SIN3A: variants seen among roughly 807,000 people sequenced by gnomAD.
SIN3A encodes paired amphipathic helix protein Sin3a.
Under a neutral mutation model 146.1 loss-of-function variants are expected in SIN3A, and 14 were observed. The observed-to-expected ratio is 0.10, with a 90% CI of 0.06 to 0.15. The LOEUF (loss-of-function observed/expected upper bound fraction) is 0.15. Among genes scored for constraint, SIN3A ranks in the 10% least tolerant of loss-of-function variants. SIN3A has a pLI of 1.00. For synonymous variants in SIN3A, 572 were observed against 572.0 expected (o/e 1.00, Z 0.00); for missense variants, 1,028 against 1,576.0 (o/e 0.65, Z 5.89).
At chr15:75,391,106 C>T (rs1460657728) in intron 15 of SIN3A, among the ~76,000 whole-genome samples, 1 of 152,182 alleles carries the variant, frequency 6.6e-6, no homozygotes, top group Non-Finnish European at 1.5e-5. Flanking sequence ...TCATCACAGA[C>T]TATCACATTC....
rs535751439 is a variant in SIN3A, at chr15:75,435,153, G to C, written c.-33-4745C>G. Among the ~76,000 whole-genome samples, 6 of 151,894 alleles carry C rather than the reference G, an allele frequency of 4.0e-5. No homozygotes were observed. The South Asian group carries it at 1.2e-3, about 32-fold the overall frequency. ...AAAACTATGTAAGAATCAGATCAAA[G>C]TTTATCCACGAGTATAAGAAATGAA... On this transcript the variant is annotated intron_variant, in intron 1 of 20. Transcript: ENST00000394947.
At position 75,409,872 on chromosome 15, in the gene SIN3A, G is replaced by C; in HGVS notation, c.1281C>G (p.Ile427Met). 6.2e-7 allele frequency: 1 copy of C among 1,613,342 alleles called. No homozygotes were observed. Among genetic ancestry groups the C allele is most frequent in the Non-Finnish European group, 8.5e-7 (1 of 1,180,006 alleles). Residue 427 changes from isoleucine (I) to methionine (M), a missense_variant, in exon 8 of 21, where the codon ATC (isoleucine) becomes ATG (methionine). Ile to Met is a conservative substitution (Grantham distance 10, BLOSUM62 1). Coordinates refer to ENST00000394947, the MANE Select transcript of SIN3A (RefSeq NM_001145358.2). The stretch of plus-strand genomic sequence containing the variant: ...GGGTGGTTCCTGTAGGATGTCTGCG[G>C]ATCTGGCAGCCATTCTGGCTGGGCC... ...PQRPSQNGCQ[I>M]RRHPTGTTPP...
At chr15:75,452,211 G>A (rs933979015), upstream of SIN3A, among the ~76,000 whole-genome samples, 3 of 152,256 alleles carry the variant, frequency 2.0e-5, no homozygotes, top group Admixed American at 1.3e-4. Flanking sequence ...GGATATCTTG[G>A]CGCTGGTAGG....
intron 16 of SIN3A, among the ~76,000 whole-genome samples, chr15:75,384,771 A>C (rs527541363): frequency 9.3e-4 from 141 of 152,304 alleles, no homozygotes; most frequent in African/African-American, 3.1e-3. Context: ...TCTTTATTGC[A>C]TTTTAAAATC....
chr15:75,428,835 C>A (rs756993962), intron 2 of SIN3A, among the ~76,000 whole-genome samples: 2 of 152,154 alleles, frequency 1.3e-5, no homozygotes, highest in Non-Finnish European at 2.9e-5. Context: ...TTTCTCCCAC[C>A]TCTGCCAACC....
At chr15:75,410,430 C>A in intron 6 of SIN3A, 144 bp from the exon 7 acceptor site, 1 of 701,988 alleles carries the variant, frequency 1.4e-6, no homozygotes, top group Non-Finnish European at 2.2e-6. Context: ...TGACCACAGA[C>A]TTTCAAGTTG....
intron 2 of SIN3A, among the ~76,000 whole-genome samples, chr15:75,425,199 C>A (rs115690331): frequency 6.6e-6 from 1 of 152,300 alleles, no homozygotes; most frequent in African/African-American, 2.4e-5. Flanking sequence ...TTGAAACACT[C>A]TCGCTCTATC....
At chr15:75,413,566 C>CA (rs1314694069) in intron 4 of SIN3A, among the ~76,000 whole-genome samples, 1 of 147,136 alleles carries the variant, frequency 6.8e-6, no homozygotes, top group Non-Finnish European at 1.5e-5. Context: ...TTTTTTGAGA[C>CA]AGAGTCTCAT....
At chr15:75,396,218 G>T in intron 13 of SIN3A, 40 bp downstream of exon 13, 1 of 1,383,970 alleles carries the variant, frequency 7.2e-7, no homozygotes, top group Non-Finnish European at 1.0e-6. Flanking sequence ...AACCGGTAGT[G>T]AAGTACACTA....
At chr15:75,394,886 A>T (rs2073274223) in intron 13 of SIN3A, 23 bp from the exon 14 acceptor site, 65 of 1,603,680 alleles carry the variant, frequency 4.1e-5, no homozygotes, top group Non-Finnish European at 5.4e-5. Context: ...GAAGGGATGG[A>T]AACAACACAT....
intron 8 of SIN3A, among the ~76,000 whole-genome samples, chr15:75,407,724 C>T (rs1567360031): frequency 1.3e-5 from 2 of 151,630 alleles, no homozygotes; most frequent in South Asian, 4.2e-4. Context: ...AACCCCGTCT[C>T]TACTAAAAAT....
intron 1 of SIN3A, 168 bp downstream of exon 1, chr15:75,451,255 G>C (rs1273793924): frequency 8.8e-6 from 1 of 113,980 alleles, no homozygotes; most frequent in Non-Finnish European, 1.8e-5. Context: ...CGCGCGGAGA[G>C]CTACCCCGCT....
intron 1 of SIN3A, among the ~76,000 whole-genome samples, chr15:75,432,165 G>T (rs2074023734): frequency 1.3e-5 from 2 of 152,202 alleles, no homozygotes; most frequent in Admixed American, 6.5e-5. Flanking sequence ...ATATTAAGAG[G>T]TTGAGTATAT....
rs375957041 is a variant in SIN3A at position 75,385,524 on chromosome 15, C to A, written c.3022-1087G>T. Among the ~76,000 whole-genome samples the A allele has an allele frequency of 2.4e-4, 36 of 152,298 alleles. No individual in the cohort carries two copies. The South Asian group carries it at 7.2e-3, about 31-fold the overall frequency. Reference sequence around the variant, plus strand: ...TCAGAGTTCCCATTCTCATGTCATGCTATTTCTATTTTGAAATAAAAATCC... The same window carrying A: ...TCAGAGTTCCCATTCTCATGTCATGATATTTCTATTTTGAAATAAAAATCC... On this transcript the variant is annotated intron_variant, in intron 16 of 20. Transcript: ENST00000394947.
At chr15:75,415,982 C>G (rs1400596369) in intron 3 of SIN3A, 2 of 341,562 alleles carry the variant, frequency 5.9e-6, no homozygotes, top group African/African-American at 4.4e-5. Context: ...CAAAACAGAC[C>G]AGGCACAGAA....
chr15:75,384,465 G>T (rs2073042995), intron 16 of SIN3A, 28 bp from the exon 17 acceptor site: 7 of 1,482,492 alleles, frequency 4.7e-6, no homozygotes, highest in Non-Finnish European at 6.3e-6. Flanking sequence ...CAAGCTTTTA[G>T]TGAACACAGA....
chr15:75,410,358 G>T, intron 6 of SIN3A, 72 bp from the exon 7 acceptor site: 1 of 1,438,548 alleles, frequency 7.0e-7, no homozygotes, highest in African/African-American at 1.4e-5. Flanking sequence ...ACGCTTTCTG[G>T]AATCACTGTT....
At chr15:75,373,929 C>G (rs1266918955) in intron 20 of SIN3A, among the ~76,000 whole-genome samples, 1 of 152,158 alleles carries the variant, frequency 6.6e-6, no homozygotes, top group Non-Finnish European at 1.5e-5. Flanking sequence ...GCCCCAAACC[C>G]CTTGTCGTTA....
chr15:75,373,877 G>A (rs991279446), intron 20 of SIN3A, among the ~76,000 whole-genome samples: 3 of 152,166 alleles, frequency 2.0e-5, no homozygotes, highest in Admixed American at 1.3e-4. Flanking sequence ...CATTTTGGGG[G>A]AGTCAAAAAT....
Sources: gnomAD v4.1 joint callset for allele counts (sites outside exome capture counted in the v4.1 genomes callset) on GRCh38, gnomAD v4.1.1 for gene constraint, MANE v1.5 for transcripts, NCBI Gene and HGNC (gene_info 2026-07-23, HGNC 2026-07-21) for gene names.